The following ELF1 variants were observed in gnomAD, a reference collection of about 807,000 sequenced individuals.
ELF1 encodes ETS-related transcription factor Elf-1.
A neutral mutation model predicts 59.9 loss-of-function variants in ELF1; 24 were observed. The ratio of observed to expected loss-of-function variants is 0.40; its 90% confidence interval spans 0.29 to 0.56. The LOEUF (loss-of-function observed/expected upper bound fraction) is 0.56, where lower values mean the gene tolerates loss of function less well. Ranked by LOEUF, ELF1 falls within the 20% of genes least tolerant of loss-of-function variation. The pLI is 0.44. For synonymous variants in ELF1, 248 were observed against 266.2 expected (o/e 0.93, Z 0.67); for missense variants, 627 against 742.2 (o/e 0.84, Z 1.80).
chr13:41,020,469 T>A (rs9566665), upstream of ELF1, among the ~76,000 whole-genome samples: 1,383 of 152,334 alleles, frequency 9.1e-3, 16 homozygotes, highest in East Asian at 0.049. Flanking sequence ...AGAGGCATAG[T>A]TGAGAGCACA....
In ELF1 at chr13:41,037,879, T is replaced by C. The variant is rs181058925; in HGVS notation, c.-229+22959A>G. On this transcript the variant is annotated intron_variant, in intron 1 of 1. Coordinates refer to the ELF1 transcript ENST00000405737. ...TCCCAAATTTAAGGATACAAAAATA[T>C]GCATGTATAATGTGCTACACAGACT... Among the ~76,000 whole-genome samples the C allele has an allele frequency of 2.6e-3, 398 of 151,694 alleles. 2 individuals carry two copies. Among genetic ancestry groups the C allele is most frequent in the African/African-American group, 9.2e-3 (380 of 41,362 alleles).
At chr13:40,943,241 A>G in intron 6 of ELF1, 97 bp from the exon 7 acceptor site, 1 of 1,030,998 alleles carries the variant, frequency 9.7e-7, no homozygotes, top group Non-Finnish European at 1.3e-6. Flanking sequence ...ATTTATATTT[A>G]TACAAAAATA....
intron 2 of ELF1, among the ~76,000 whole-genome samples, chr13:40,967,857 T>C (rs979792446): frequency 2.6e-5 from 4 of 152,120 alleles, no homozygotes; most frequent in African/African-American, 9.7e-5. Flanking sequence ...CCTCCCAAAG[T>C]GCTGGGATTA....
chr13:41,038,879 G>A (rs762950135), intron 1 of ELF1, among the ~76,000 whole-genome samples: 4 of 151,754 alleles, frequency 2.6e-5, no homozygotes, highest in Non-Finnish European at 5.9e-5. Context: ...AGCCAGACGT[G>A]GTGGTAGACA....
At chr13:40,975,936 C>T (rs1298933227) in intron 2 of ELF1, among the ~76,000 whole-genome samples, 1 of 152,056 alleles carries the variant, frequency 6.6e-6, no homozygotes, top group Non-Finnish European at 1.5e-5. Context: ...TGTCTTACTT[C>T]AAATAATTTA....
At position 40,951,375 on chromosome 13, in the gene ELF1, G is replaced by A; in HGVS notation, c.315C>T (p.Leu105=). 1.2e-6 allele frequency: 2 copies of A among 1,613,738 alleles called. No individual in the cohort carries two copies. The highest frequency in any genetic ancestry group is 1.7e-6 in the Non-Finnish European group (2 of 1,179,822). The stretch of plus-strand genomic sequence containing the variant: ...TAGGGCCAGGGGAATCCATATTGAG[G>A]AGTGCCTCAGCAGCCTCAATAGTTT... ...TIETIEAAEA[L]LNMDSPGPML... is the part of the protein sequence containing the mutation. Residue 105 remains leucine, a synonymous_variant, in exon 4 of 9, where the codon CTC becomes CTT. Coordinates refer to ENST00000239882, the MANE Select transcript of ELF1 (RefSeq NM_172373.4).
chr13:41,042,304 C>CT (rs60867312), intron 1 of ELF1, among the ~76,000 whole-genome samples: 5,223 of 146,482 alleles, frequency 0.036, 320 homozygotes, highest in African/African-American at 0.12. Flanking sequence ...TTTTCTTTTT[C>CT]TTTTTTTTTT....
In ELF1 at chr13:40,938,031, G is replaced by A. The variant is rs889414000; in HGVS notation, c.1256+2890C>T. 2.6e-5 allele frequency among the ~76,000 whole-genome samples: 4 copies of A among 151,572 alleles called. No individual in the cohort carries two copies. The East Asian group carries it at 7.9e-4, about 30-fold the overall frequency. On this transcript the variant is annotated intron_variant, in intron 8 of 8. Coordinates refer to ENST00000239882, the MANE Select transcript of ELF1 (RefSeq NM_172373.4). ...GGGGTTTTGCCATATTGGCCAGGCT[G>A]GTTTCAAACTCCCGACCTCAGGTGA...
chr13:40,955,509 T>G (rs1269927623), intron 3 of ELF1, among the ~76,000 whole-genome samples: 2 of 47,444 alleles, frequency 4.2e-5, no homozygotes, highest in African/African-American at 2.0e-4. Context: ...AAGTGAGGAG[T>G]CCCTCTGCCC....
At chr13:41,054,658 T>C (rs1327492702) in intron 1 of ELF1, among the ~76,000 whole-genome samples, 1 of 152,234 alleles carries the variant, frequency 6.6e-6, no homozygotes, top group Non-Finnish European at 1.5e-5. Flanking sequence ...TCTATTCTGC[T>C]GCCACCACCC....
chr13:41,049,978 AGAGTATCCACATACAAACT>A (rs1250905548), intron 1 of ELF1, among the ~76,000 whole-genome samples: 1 of 152,250 alleles, frequency 6.6e-6, no homozygotes, highest in African/African-American at 2.4e-5. Context: ...TAATGTGCAT[AGAGTATCCACATACAAACT>A]GAAATTTGCT....
chr13:40,984,036 T>G (rs1487076534), intron 1 of ELF1, among the ~76,000 whole-genome samples: 1 of 152,192 alleles, frequency 6.6e-6, no homozygotes. Context: ...GTACAACCAA[T>G]TTAGCATGAA....
intron 2 of ELF1, among the ~76,000 whole-genome samples, chr13:40,972,713 A>G (rs1210052563): frequency 6.6e-6 from 1 of 152,218 alleles, no homozygotes; most frequent in Admixed American, 6.5e-5. Flanking sequence ...TGAAAGAAAT[A>G]AAGCTCAATG....
chr13:40,953,164 C>T (rs757720084), intron 3 of ELF1, among the ~76,000 whole-genome samples: 13 of 152,028 alleles, frequency 8.6e-5, no homozygotes, highest in Non-Finnish European at 1.3e-4. Flanking sequence ...TCAGTAGAGA[C>T]GGGATTTCTC....
At chr13:40,984,810 G>A (rs937049341) in intron 1 of ELF1, among the ~76,000 whole-genome samples, 1 of 152,142 alleles carries the variant, frequency 6.6e-6, no homozygotes, top group Non-Finnish European at 1.5e-5. Context: ...TTGTGCCAAT[G>A]GCCAGTGTGA....
chr13:41,047,602 T>A (rs1007669252), intron 1 of ELF1, among the ~76,000 whole-genome samples: 2 of 152,340 alleles, frequency 1.3e-5, no homozygotes, highest in Non-Finnish European at 2.9e-5. Flanking sequence ...AGAATATTGC[T>A]GAACAGCAAA....
intron 1 of ELF1, among the ~76,000 whole-genome samples, chr13:41,016,828 T>C (rs1875391332): frequency 6.9e-6 from 1 of 144,626 alleles, no homozygotes; most frequent in Non-Finnish European, 1.5e-5. Flanking sequence ...GCAGGAGAAT[T>C]GCTTGAACCC....
intron 1 of ELF1, among the ~76,000 whole-genome samples, chr13:41,004,367 T>C (rs117030531): frequency 1.4e-4 from 22 of 152,136 alleles, no homozygotes; most frequent in Non-Finnish European, 2.4e-4. Flanking sequence ...GTGGGGGATA[T>C]TCTGGGAAGA....
At chr13:40,951,270 G>T in intron 4 of ELF1, 59 bp downstream of exon 4, 1 of 1,321,694 alleles carries the variant, frequency 7.6e-7, no homozygotes, top group Non-Finnish European at 1.1e-6. Flanking sequence ...TACTAATAAA[G>T]AAAGATGGCA....
Sources: allele counts gnomAD v4.1 joint callset (sites outside exome capture counted in the v4.1 genomes callset), GRCh38; gene constraint gnomAD v4.1.1; transcripts MANE v1.5; gene names NCBI Gene and HGNC (gene_info 2026-07-23, HGNC 2026-07-21).